The following CDK15 variants were observed in gnomAD, a reference collection of about 807,000 sequenced individuals.
CDK15 encodes the protein cyclin dependent kinase 15.
Under a neutral mutation model 60.3 loss-of-function variants are expected in CDK15, and 62 were observed. The observed-to-expected ratio is 1.03, with a 90% confidence interval of 0.84 to 1.27. CDK15 has a LOEUF of 1.27. Among genes scored for constraint, CDK15 ranks in the 50% most tolerant of loss-of-function variants. The probability of loss-of-function intolerance (pLI) is 0.00; values close to 1 mark genes in which losing one functional copy is unlikely to be tolerated. For synonymous variants in CDK15, 194 were observed against 195.7 expected (o/e 0.99, Z 0.07); for missense variants, 541 against 527.8 (o/e 1.03, Z -0.25).
intron 9 of CDK15, among the ~76,000 whole-genome samples, chr2:201,854,305 T>C (rs1261578304): frequency 6.6e-6 from 1 of 151,926 alleles, no homozygotes; most frequent in Non-Finnish European, 1.5e-5. Flanking sequence ...AACAAGCAGA[T>C]GAGATGAATG....
chr2:201,872,238 G>A, intron 10 of CDK15, 40 bp from the exon 11 acceptor site: 1 of 1,608,180 alleles, frequency 6.2e-7, no homozygotes, highest in Non-Finnish European at 8.5e-7. Flanking sequence ...AGGGTTTTCG[G>A]GTGGATTTTA....
chr2:201,811,763 T>C (rs988517558), intron 3 of CDK15, among the ~76,000 whole-genome samples: 8 of 152,056 alleles, frequency 5.3e-5, no homozygotes, highest in African/African-American at 1.9e-4. Flanking sequence ...GGAGATATGG[T>C]GGCTTTTGAA....
At chr2:201,865,187 T>G (rs75420570) in intron 10 of CDK15, among the ~76,000 whole-genome samples, 4,755 of 152,268 alleles carry the variant, frequency 0.031, 240 homozygotes, top group African/African-American at 0.11. Context: ...CCCTTCAATA[T>G]TTGTGGAGAC....
chr2:201,856,986 G>A (rs1223956353), intron 10 of CDK15, among the ~76,000 whole-genome samples: 1 of 91,076 alleles, frequency 1.1e-5, no homozygotes, highest in Non-Finnish European at 2.2e-5. Context: ...CACTTTGGGA[G>A]GCCGAGGCGG....
intron 13 of CDK15, among the ~76,000 whole-genome samples, chr2:201,891,402 C>A (rs904127328): frequency 6.6e-5 from 10 of 152,214 alleles, no homozygotes; most frequent in Admixed American, 2.0e-4. Context: ...CTAGGGAATT[C>A]TCACTGTCAA....
At chr2:201,836,760 T>C (rs1481780098) in intron 8 of CDK15, among the ~76,000 whole-genome samples, 1 of 147,640 alleles carries the variant, frequency 6.8e-6, no homozygotes, top group East Asian at 2.0e-4. Flanking sequence ...TGCATGAACA[T>C]ACTCACACAT....
intron 8 of CDK15, among the ~76,000 whole-genome samples, chr2:201,843,309 C>G (rs972534456): frequency 5.9e-5 from 9 of 152,098 alleles, no homozygotes; most frequent in Non-Finnish European, 1.5e-5. Context: ...GCCTCAACCT[C>G]CTGAGTAGCT....
intron 9 of CDK15, among the ~76,000 whole-genome samples, chr2:201,849,341 G>A (rs563403955): frequency 9.2e-5 from 14 of 152,258 alleles, no homozygotes; most frequent in Middle Eastern, 3.4e-3. Context: ...AATTTAACCC[G>A]ATTGTTCTCT....
chr2:201,876,600 G>A, intron 11 of CDK15: 1 of 1,286,892 alleles, frequency 7.8e-7, no homozygotes, highest in Non-Finnish European at 1.0e-6. Context: ...GCAAAGTGCA[G>A]CAGTCATAGT....
chr2:201,873,428 G>A (rs903349168), intron 11 of CDK15, among the ~76,000 whole-genome samples: 2 of 152,284 alleles, frequency 1.3e-5, no homozygotes, highest in Middle Eastern at 3.4e-3. Flanking sequence ...CTAGAGATAT[G>A]TGGATTTTAG....
At chr2:201,873,297 C>A (rs1698930642) in intron 11 of CDK15, among the ~76,000 whole-genome samples, 2 of 152,082 alleles carry the variant, frequency 1.3e-5, no homozygotes, top group Non-Finnish European at 2.9e-5. Context: ...ACATCTGCAC[C>A]CTCCACTCTT....
At chr2:201,806,819 C>G (rs1695531446) in intron 1 of CDK15, 32 bp downstream of exon 1, 2 of 1,595,680 alleles carry the variant, frequency 1.3e-6, no homozygotes, top group Middle Eastern at 1.7e-4. Context: ...GCATCTTTCT[C>G]TATTGATAAA....
intron 10 of CDK15, among the ~76,000 whole-genome samples, chr2:201,860,522 C>T (rs967346675): frequency 6.6e-6 from 1 of 152,106 alleles, no homozygotes; most frequent in Non-Finnish European, 1.5e-5. Context: ...TGAGCTCAGC[C>T]GCAGGGAAGC....
intron 9 of CDK15, among the ~76,000 whole-genome samples, chr2:201,854,003 TACA>T (rs540379173): frequency 2.0e-5 from 3 of 151,780 alleles, no homozygotes; most frequent in East Asian, 3.9e-4. Context: ...CTACTAAAAA[TACA>T]ACAACAACAA....
At chr2:201,835,303 GC>G (rs769956339) in intron 7 of CDK15, among the ~76,000 whole-genome samples, 2 of 152,050 alleles carry the variant, frequency 1.3e-5, no homozygotes, top group Non-Finnish European at 2.9e-5. Flanking sequence ...GCTCATCACA[GC>G]CCAGAGGAGG....
At chr2:201,861,307 G>T in intron 10 of CDK15, 1 of 990,392 alleles carries the variant, frequency 1.0e-6, no homozygotes, top group Admixed American at 5.8e-5. Context: ...GGGTGGAGTA[G>T]CCCGATTCTA....
chr2:201,812,200 C>CAAAAA (rs1219042543), intron 3 of CDK15, among the ~76,000 whole-genome samples: 1 of 135,178 alleles, frequency 7.4e-6, no homozygotes, highest in African/African-American at 2.7e-5. Flanking sequence ...AACAAAAAAA[C>CAAAAA]AAAAAAACAC....
chr2:201,861,996 C>T (rs17385311), intron 10 of CDK15, among the ~76,000 whole-genome samples: 2 of 152,174 alleles, frequency 1.3e-5, no homozygotes, highest in Admixed American at 6.5e-5. Flanking sequence ...AGAAATACCT[C>T]CAGGCACCAG....
At chr2:201,858,620 A>T (rs1362513059) in intron 10 of CDK15, among the ~76,000 whole-genome samples, 1 of 151,990 alleles carries the variant, frequency 6.6e-6, no homozygotes, top group Admixed American at 6.6e-5. Flanking sequence ...TCAGAGCAAT[A>T]TATCCAAATG....
Sources: gnomAD v4.1 joint callset for allele counts (sites outside exome capture counted in the v4.1 genomes callset) on GRCh38, gnomAD v4.1.1 for gene constraint, MANE v1.5 for transcripts, NCBI Gene and HGNC (gene_info 2026-07-23, HGNC 2026-07-21) for gene names.